The following GCLM variants were observed in gnomAD, a reference collection of about 807,000 sequenced individuals.
GCLM encodes glutamate--cysteine ligase regulatory subunit.
Under a neutral mutation model 36.0 loss-of-function variants are expected in GCLM, and 15 were observed. The observed-to-expected ratio is 0.42, with a 90% CI of 0.28 to 0.64. The LOEUF (loss-of-function observed/expected upper bound fraction) is 0.64, where lower values mean the gene tolerates loss of function less well. Ranked by LOEUF, GCLM falls within the 30% of genes least tolerant of loss-of-function variation. GCLM has a pLI of 0.25. For missense variants in GCLM, 242 were observed against 325.5 expected (o/e 0.74, Z 1.97); for synonymous variants, 129 against 122.8 (o/e 1.05, Z -0.34).
chr1:93,900,748 T>C (rs1213231412), intron 3 of GCLM, among the ~76,000 whole-genome samples: 2 of 152,238 alleles, frequency 1.3e-5, no homozygotes, highest in Admixed American at 1.3e-4. Flanking sequence ...AATTTATTAT[T>C]ATTATCCATC....
intron 5 of GCLM, among the ~76,000 whole-genome samples, chr1:93,895,516 AT>A (rs1406825210): frequency 2.6e-5 from 4 of 152,214 alleles, no homozygotes; most frequent in Non-Finnish European, 4.4e-5. Flanking sequence ...AATCAGACAC[AT>A]TTTGAAAGAG....
At chr1:93,894,761 C>G (rs748210352) in intron 5 of GCLM, 33 bp from the exon 6 acceptor site, 1 of 968,920 alleles carries the variant, frequency 1.0e-6, no homozygotes, top group Non-Finnish European at 1.7e-6. Context: ...GATATCACTA[C>G]TAAATTAAAT....
intron 3 of GCLM, among the ~76,000 whole-genome samples, chr1:93,899,535 T>G (rs1656867572): frequency 6.6e-6 from 1 of 152,192 alleles, no homozygotes; most frequent in South Asian, 2.1e-4. Flanking sequence ...ACAAACATCT[T>G]AGTAACTTTT....
intron 2 of GCLM, among the ~76,000 whole-genome samples, chr1:93,902,326 A>G (rs955768345): frequency 6.6e-6 from 1 of 151,812 alleles, no homozygotes. Flanking sequence ...CTACAGGTGC[A>G]CGCCGCCACG....
intron 3 of GCLM, among the ~76,000 whole-genome samples, chr1:93,900,638 A>G (rs763162238): frequency 6.6e-6 from 1 of 152,190 alleles, no homozygotes; most frequent in Admixed American, 6.5e-5. Context: ...ATATAACCAT[A>G]AAGTACCAAG....
Position 93,909,276 on chromosome 1 carries a change from G to A in GCLM, c.-113C>T. On this transcript the variant is annotated 5_prime_UTR_variant, in exon 1 of 7. Transcript: ENST00000370238. ...GCCCGAGAGAGACCCGAGAGGGAGCGCGAGGCTGCCGGCGCCGCGCGGCTG... is the reference window on the plus strand; with the variant it reads ...GCCCGAGAGAGACCCGAGAGGGAGCACGAGGCTGCCGGCGCCGCGCGGCTG... 1 of 1,063,418 alleles carries A rather than the reference G, an allele frequency of 9.4e-7. No individual in the cohort carries two copies. Among genetic ancestry groups the A allele is most frequent in the South Asian group, 4.5e-5 (1 of 22,132 alleles). The allele number at this position is 1,063,418 out of a possible 1,614,324, so 65.9% of individuals were successfully genotyped here.
At chr1:93,902,754 T>C (rs1463004785) in intron 2 of GCLM, among the ~76,000 whole-genome samples, 1 of 152,182 alleles carries the variant, frequency 6.6e-6, no homozygotes, top group Non-Finnish European at 1.5e-5. Flanking sequence ...ATAACATGTA[T>C]CCACCATTAC....
intron 1 of GCLM, among the ~76,000 whole-genome samples, chr1:93,905,769 C>G (rs767032393): frequency 6.6e-6 from 1 of 152,094 alleles, no homozygotes; most frequent in African/African-American, 2.4e-5. Context: ...AGTCATAAAG[C>G]GGTATTTATG....
At chr1:93,891,721 G>C (rs1656540514) in intron 6 of GCLM, among the ~76,000 whole-genome samples, 1 of 152,160 alleles carries the variant, frequency 6.6e-6, no homozygotes, top group African/African-American at 2.4e-5. Context: ...CCTACAGATA[G>C]GGATTAAGTG....
chr1:93,896,814 G>A lies in GCLM; in HGVS notation c.344C>T (p.Ser115Leu). The A allele has an allele frequency of 6.4e-7, 1 of 1,567,486 alleles. No homozygotes were observed. The highest frequency in any genetic ancestry group is 8.8e-7 in the Non-Finnish European group (1 of 1,137,542). ...ATCCAGCTGTGCAACTCCAAGGACT[G>A]AACAGGCTGATAGGAAGGAAGACAC... ...STRSAVDMAC[S>L]VLGVAQLDSV... Residue 115 changes from serine to leucine, a missense_variant, in exon 5 of 7, where the codon TCA (serine) becomes TTA (leucine). By Grantham distance (145) the Ser-to-Leu change is moderately radical. Coordinates refer to ENST00000370238, the MANE Select transcript of GCLM (RefSeq NM_002061.4).
intron 3 of GCLM, 39 bp downstream of exon 3, chr1:93,901,546 C>A: frequency 9.7e-7 from 1 of 1,035,984 alleles, no homozygotes; most frequent in Non-Finnish European, 1.5e-6. Flanking sequence ...CTATCGCTTC[C>A]GCTATGTAAC....
chr1:93,892,004 A>G (rs1313216604), intron 6 of GCLM, among the ~76,000 whole-genome samples: 1 of 152,198 alleles, frequency 6.6e-6, no homozygotes, highest in East Asian at 1.9e-4. Flanking sequence ...TAGTTTTCAT[A>G]TATAGAACAC....
chr1:93,897,674 C>T (rs1373195462), intron 4 of GCLM, among the ~76,000 whole-genome samples, 165 bp downstream of exon 4: 1 of 152,066 alleles, frequency 6.6e-6, no homozygotes, highest in African/African-American at 2.4e-5. Flanking sequence ...CTACATAAGT[C>T]AGTATGATTT....
chr1:93,897,757 G>A (rs1380576447), intron 4 of GCLM, 82 bp downstream of exon 4: 2 of 694,784 alleles, frequency 2.9e-6, no homozygotes, highest in South Asian at 2.0e-5. Context: ...CTTTTTACCT[G>A]GACCTAAGCA....
At chr1:93,903,474 C>CT (rs376727900) in intron 2 of GCLM, among the ~76,000 whole-genome samples, 14,418 of 131,558 alleles carry the variant, frequency 0.11, 1,141 homozygotes, top group African/African-American at 0.21. Context: ...CCACGCCTGG[C>CT]TTTTTTTTTT....
In GCLM at chr1:93,885,809, G is replaced by C. The variant is rs1221860379; in HGVS notation, c.*3181C>G. On this transcript the variant is annotated 3_prime_UTR_variant, in exon 7 of 7. Transcript: ENST00000370238. ...TTGAAAATACTGGGTGAAAAATCTA[G>C]AAAGACAGTGTTAAAGGAGCATAAT... is the stretch of plus-strand genomic sequence containing the variant. The C allele has an allele frequency of 6.6e-6, 1 of 152,144 alleles. No individual in the cohort carries two copies. The highest frequency in any genetic ancestry group is 2.4e-5 in the African/African-American group (1 of 41,430). The allele number at this position is 152,144 out of a possible 1,614,324, so 9.4% of individuals were successfully genotyped here.
At chr1:93,896,902 G>A (rs1656755522) in intron 4 of GCLM, 82 bp from the exon 5 acceptor site, 1 of 781,602 alleles carries the variant, frequency 1.3e-6, no homozygotes, top group Non-Finnish European at 2.2e-6. Flanking sequence ...GTATCCCACT[G>A]AATTCTGTCC....
chr1:93,903,184 G>T (rs1039205108), intron 2 of GCLM, among the ~76,000 whole-genome samples: 1 of 152,226 alleles, frequency 6.6e-6, no homozygotes, highest in East Asian at 1.9e-4. Context: ...ATAGGTCTGT[G>T]TGTGGAAATA....
rs1173755002 is a variant in GCLM at position 93,887,987 on chromosome 1, A to G, written c.*1003T>C. On this transcript the variant is annotated 3_prime_UTR_variant, in exon 7 of 7. Coordinates refer to ENST00000370238, the MANE Select transcript of GCLM (RefSeq NM_002061.4). Reference sequence around the variant, plus strand: ...ATTCTGCTTTAAAATAATTAAGACCATATCTCAAAGTTGTTTAAGTAGATA... The same window carrying G: ...ATTCTGCTTTAAAATAATTAAGACCGTATCTCAAAGTTGTTTAAGTAGATA... 1.3e-5 allele frequency: 2 copies of G among 152,202 alleles called. No individual in the cohort carries two copies. Among genetic ancestry groups the G allele is most frequent in the South Asian group, 2.1e-4 (1 of 4,832 alleles). The allele number at this position is 152,202 out of a possible 1,614,324, so 9.4% of individuals were successfully genotyped here. A position where few individuals can be genotyped will look rare whatever the true frequency, so the allele number is the denominator to read the frequency against.
Sources: gnomAD v4.1 joint callset for allele counts (sites outside exome capture counted in the v4.1 genomes callset) on GRCh38, gnomAD v4.1.1 for gene constraint, MANE v1.5 for transcripts, NCBI Gene and HGNC (gene_info 2026-07-23, HGNC 2026-07-21) for gene names.